NEBL: variants seen among roughly 807,000 people sequenced by gnomAD.
The protein encoded by NEBL is LIM and SH3 protein 2.
Under a neutral mutation model 140.2 loss-of-function variants are expected in NEBL, and 122 were observed. The ratio of observed to expected loss-of-function variants is 0.87; its 90% confidence interval spans 0.75 to 1.01. NEBL has a LOEUF of 1.01. NEBL is among the 50% of genes least tolerant of loss of function. NEBL has a pLI of 0.00. For missense variants in NEBL, 1,365 were observed against 1,231.3 expected (o/e 1.11, Z -1.62); for synonymous variants, 436 against 398.9 (o/e 1.09, Z -1.11).
At chr10:21,264,492 T>C (rs1842776002) in intron 1 of NEBL, among the ~76,000 whole-genome samples, 1 of 151,972 alleles carries the variant, frequency 6.6e-6, no homozygotes, top group Non-Finnish European at 1.5e-5. Context: ...CAACTCTCCT[T>C]CTGACTCACT....
chr10:20,831,472 C>A lies in NEBL; in HGVS notation c.1560+1G>T. The A allele has an allele frequency of 1.2e-6, 2 of 1,600,606 alleles. No individual in the cohort carries two copies. Among genetic ancestry groups the A allele is most frequent in the African/African-American group, 2.7e-5 (2 of 74,392 alleles). On this transcript the variant is annotated splice_donor_variant, in intron 15 of 27. Transcript: ENST00000377122. LOFTEE classifies it high-confidence loss of function. Reference sequence around the variant, plus strand: ...AACTTTGTATCTTGCTGCTGTCTTACCTGGCTGGCCATCTCGGATGCTTTC... The same window carrying A: ...AACTTTGTATCTTGCTGCTGTCTTAACTGGCTGGCCATCTCGGATGCTTTC...
intron 3 of NEBL, among the ~76,000 whole-genome samples, chr10:20,965,650 C>T (rs530779271): frequency 3.2e-4 from 48 of 152,246 alleles, no homozygotes; most frequent in African/African-American, 1.1e-3. Flanking sequence ...GGTTTGTATG[C>T]GGAACAGCGG....
At chr10:21,004,545 C>T (rs541515056) in intron 3 of NEBL, among the ~76,000 whole-genome samples, 1 of 152,190 alleles carries the variant, frequency 6.6e-6, no homozygotes, top group Admixed American at 6.5e-5. Context: ...ACAGTGAAAC[C>T]CCATCTCTAC....
chr10:21,032,015 T>C (rs767765295), intron 2 of NEBL, among the ~76,000 whole-genome samples: 23 of 152,222 alleles, frequency 1.5e-4, no homozygotes, highest in Non-Finnish European at 2.6e-4. Flanking sequence ...AAAACTCAAA[T>C]GAATAAAATG....
chr10:20,909,672 T>C (rs1459304688), intron 4 of NEBL, among the ~76,000 whole-genome samples: 2 of 152,172 alleles, frequency 1.3e-5, no homozygotes, highest in African/African-American at 4.8e-5. Context: ...CAGTCTCTGA[T>C]TTGCAAAAAG....
chr10:20,927,960 G>A (rs1168820668), intron 4 of NEBL, among the ~76,000 whole-genome samples: 3 of 152,076 alleles, frequency 2.0e-5, no homozygotes, highest in Admixed American at 6.5e-5. Context: ...ATTTAACTTT[G>A]CTAGGAGGTA....
rs79574302 is a variant in NEBL, at chr10:21,043,990, C to T, written c.165-23789G>A. On this transcript the variant is annotated intron_variant, in intron 2 of 6. Coordinates refer to the NEBL transcript ENST00000417816. ...CACCTGAAGCTCCTTTCTACAGATT[C>T]GTCTAAAAACAGGGTAGGATATTTC... Among the ~76,000 whole-genome samples the T allele has an allele frequency of 4.1e-3, 618 of 152,178 alleles. 35 individuals carry two copies. The East Asian group carries it at 0.09, about 22-fold the overall frequency.
intron 2 of NEBL, among the ~76,000 whole-genome samples, chr10:21,129,640 T>C (rs1362911207): frequency 2.0e-5 from 3 of 152,254 alleles, no homozygotes; most frequent in South Asian, 2.1e-4. Flanking sequence ...GGTACTCATA[T>C]ACCCATGAAG....
chr10:20,940,026 C>A lies in NEBL; in HGVS notation c.357+21646G>T, dbSNP rs367638229. Reference sequence around the variant, plus strand: ...CCACTGTCAATATTAGACAGATCAACGAGACAGAAAGTTAACAAGGATACC... The same window carrying A: ...CCACTGTCAATATTAGACAGATCAAAGAGACAGAAAGTTAACAAGGATACC... On this transcript the variant is annotated intron_variant, in intron 4 of 6. Coordinates refer to the NEBL transcript ENST00000417816. Among the ~76,000 whole-genome samples the A allele has an allele frequency of 2.1e-3, 315 of 150,364 alleles. 4 individuals are homozygous for A. Among genetic ancestry groups the A allele is most frequent in the Middle Eastern group, 0.014 (4 of 286 alleles).
At chr10:20,899,925 T>A (rs1291024051), upstream of NEBL, among the ~76,000 whole-genome samples, 3 of 152,212 alleles carry the variant, frequency 2.0e-5, no homozygotes, top group East Asian at 3.8e-4. Context: ...ACCTATAATA[T>A]AAAATTCATG....
chr10:20,854,776 G>A lies in NEBL; in HGVS notation c.904-2127C>T, dbSNP rs144233701. ...GCTAGGGTCCCACTACGCTGCCCAC[G>A]CTGGTCTCAAACTCCTGGCCTCAAG... is the stretch of plus-strand genomic sequence containing the variant. On this transcript the variant is annotated intron_variant, in intron 9 of 27. Transcript: ENST00000377122. 4.0e-3 allele frequency among the ~76,000 whole-genome samples: 610 copies of A among 151,774 alleles called. 6 individuals are homozygous for A. Among genetic ancestry groups the A allele is most frequent in the African/African-American group, 0.014 (565 of 41,394 alleles).
At chr10:21,233,520 A>C (rs1842293403) in intron 3 of NEBL, among the ~76,000 whole-genome samples, 1 of 150,676 alleles carries the variant, frequency 6.6e-6, no homozygotes, top group Non-Finnish European at 1.5e-5. Context: ...TCTATATCAT[A>C]TATATCTCTA....
In NEBL at chr10:20,864,274, A is replaced by G. The variant is rs574832162; in HGVS notation, c.684+4390T>C. Among the ~76,000 whole-genome samples, 6 of 152,314 alleles carry G rather than the reference A, an allele frequency of 3.9e-5. 1 individual carries two copies. The South Asian group carries it at 1.2e-3, about 32-fold the overall frequency. Reference sequence around the variant, plus strand: ...GTTACTGTACTTAAATCTGAGATACATATGCACCAATCCCTTCATCTTCGC... The same window carrying G: ...GTTACTGTACTTAAATCTGAGATACGTATGCACCAATCCCTTCATCTTCGC... On this transcript the variant is annotated intron_variant, in intron 7 of 27. Transcript: ENST00000377122.
intron 1 of NEBL, among the ~76,000 whole-genome samples, chr10:21,291,421 G>C (rs1843140287): frequency 6.6e-6 from 1 of 151,216 alleles, no homozygotes; most frequent in Non-Finnish European, 1.5e-5. Flanking sequence ...CAGGAGAATT[G>C]CTTGAACCCA....
At chr10:21,113,607 C>G (rs1298026099) in intron 2 of NEBL, among the ~76,000 whole-genome samples, 1 of 152,066 alleles carries the variant, frequency 6.6e-6, no homozygotes, top group African/African-American at 2.4e-5. Context: ...ACTTTCCTTA[C>G]CATGTTTGAT....
chr10:21,287,941 C>G (rs1278875733), intron 1 of NEBL, among the ~76,000 whole-genome samples: 2 of 152,102 alleles, frequency 1.3e-5, no homozygotes, highest in African/African-American at 4.8e-5. Context: ...ATAGGCAGAG[C>G]ATATGTTCAT....
intron 2 of NEBL, among the ~76,000 whole-genome samples, chr10:21,171,339 AAAAAAAAAAAG>A (rs1841065914): frequency 4.5e-5 from 4 of 89,170 alleles, no homozygotes; most frequent in African/African-American, 1.3e-4. Context: ...CTGTCTCAAA[AAAAAAAAAAAG>A]AAAAAAAAAA....
chr10:21,222,298 A>G (rs1364215350), intron 3 of NEBL, among the ~76,000 whole-genome samples: 1 of 151,444 alleles, frequency 6.6e-6, no homozygotes, highest in Non-Finnish European at 1.5e-5. Context: ...AAAAAAAAAA[A>G]GGGTAATGAT....
intron 2 of NEBL, among the ~76,000 whole-genome samples, chr10:21,102,813 T>TTTTG (rs147963505): frequency 3.2e-4 from 48 of 152,308 alleles, no homozygotes; most frequent in African/African-American, 1.0e-3. Context: ...CACACATGTT[T>TTTTG]TTTGTTTGTT....
Sources: allele counts gnomAD v4.1 joint callset (sites outside exome capture counted in the v4.1 genomes callset), GRCh38; gene constraint gnomAD v4.1.1; transcripts MANE v1.5; gene names NCBI Gene and HGNC (gene_info 2026-07-23, HGNC 2026-07-21).